The following KATNIP variants were observed in gnomAD, a reference collection of about 807,000 sequenced individuals.
KATNIP encodes katanin-interacting protein.
In KATNIP, 126 loss-of-function variants were observed where a neutral mutation model predicts 174.0. That is an observed-to-expected ratio of 0.72 (90% CI 0.63 to 0.84). KATNIP has a LOEUF of 0.84. Among genes scored for constraint, KATNIP ranks in the 40% least tolerant of loss-of-function variants. The pLI, the probability that KATNIP is intolerant of heterozygous loss-of-function variation, is 0.00. For missense variants in KATNIP, 1,958 were observed against 2,109.7 expected, an observed-to-expected ratio of 0.93 and a Z score of 1.41; for synonymous variants, 810 against 835.7, an observed-to-expected ratio of 0.97 and a Z score of 0.53.
intron 3 of KATNIP, among the ~76,000 whole-genome samples, chr16:27,619,064 G>T (rs1489538361): frequency 6.6e-6 from 1 of 152,206 alleles, no homozygotes; most frequent in African/African-American, 2.4e-5. Context: ...TCATTGCCTT[G>T]GTTCCTTTGT....
chr16:27,751,684 G>T lies in KATNIP; in HGVS notation c.3347-35G>T, dbSNP rs746840832. ...TCTACAAATCTCTGGGATGTGAAGT[G>T]AGTTGACCTTTCTGTCATCTTGATA... is the stretch of plus-strand genomic sequence containing the variant. On this transcript the variant is annotated intron_variant, in intron 16 of 27. Coordinates refer to ENST00000261588, the MANE Select transcript of KATNIP (RefSeq NM_015202.5). The T allele has an allele frequency of 2.5e-6, 4 of 1,598,780 alleles. No homozygotes were observed. The South Asian group carries it at 4.4e-5, about 18-fold the overall frequency.
At position 27,731,145 on chromosome 16, in the gene KATNIP, C is replaced by T. The variant is rs372358234; in HGVS notation, c.1744-8896C>T. ...ACCCCCCCGTCCCCCACCAAAAGAC[C>T]CCCATACAGTATGGGCTGCATTGAA... On this transcript the variant is annotated intron_variant, in intron 14 of 27. Coordinates refer to ENST00000261588, the MANE Select transcript of KATNIP (RefSeq NM_015202.5). Among the ~76,000 whole-genome samples, 504 of 152,214 alleles carry T rather than the reference C, an allele frequency of 3.3e-3. 7 individuals carry two copies. The highest frequency in any genetic ancestry group is 0.011 in the African/African-American group (475 of 41,526).
chr16:27,558,602 T>A (rs952778325), intron 1 of KATNIP, among the ~76,000 whole-genome samples: 1 of 152,226 alleles, frequency 6.6e-6, no homozygotes, highest in Non-Finnish European at 1.5e-5. Flanking sequence ...CAAAGCAGTG[T>A]GGCCCACTGC....
chr16:27,554,882 C>T (rs937960693), intron 1 of KATNIP, among the ~76,000 whole-genome samples: 2 of 149,184 alleles, frequency 1.3e-5, no homozygotes, highest in Non-Finnish European at 1.5e-5. Context: ...CAACCTCTGC[C>T]TCCCAGGTTC....
rs2082050453 is a variant in KATNIP, at chr16:27,764,174, G to T, written c.3810-2135G>T. 2.6e-5 allele frequency among the ~76,000 whole-genome samples: 4 copies of T among 152,108 alleles called. No individual in the cohort carries two copies. In the South Asian group the frequency reaches 8.3e-4, roughly 32 times the overall value. On this transcript the variant is annotated intron_variant, in intron 19 of 27. Transcript: ENST00000261588. The stretch of plus-strand genomic sequence containing the variant: ...AAGAGAGAATTTCCCTCAATTATTT[G>T]GCTACTCTGTGGTGAAATTCAGATG...
chr16:27,571,992 GTGTGTGTGTGTGTA>G (rs985225070), intron 1 of KATNIP, among the ~76,000 whole-genome samples: 2 of 152,150 alleles, frequency 1.3e-5, no homozygotes, highest in African/African-American at 2.4e-5. Context: ...CTGGGGGTGT[GTGTGTGTGTGTGTA>G]TGTGTGTGTG....
chr16:27,656,818 G>A (rs1464855666), intron 6 of KATNIP, among the ~76,000 whole-genome samples: 2 of 149,542 alleles, frequency 1.3e-5, no homozygotes, highest in Admixed American at 6.7e-5. Context: ...GGATAGCATT[G>A]GGAGATATAC....
intron 3 of KATNIP, among the ~76,000 whole-genome samples, chr16:27,626,115 C>G (rs2076326132): frequency 6.6e-6 from 1 of 152,162 alleles, no homozygotes; most frequent in African/African-American, 2.4e-5. Flanking sequence ...CCCAGCCTCC[C>G]AAAGTGCTGG....
intron 12 of KATNIP, among the ~76,000 whole-genome samples, chr16:27,705,303 G>A (rs2142996856): frequency 6.6e-6 from 1 of 152,230 alleles, no homozygotes; most frequent in African/African-American, 2.4e-5. Flanking sequence ...TTGGTATGGT[G>A]GTCACCAATC....
chr16:27,708,735 A>G lies in KATNIP; in HGVS notation c.1420A>G (p.Lys474Glu). Reference sequence around the variant, plus strand: ...ACAGAGAATGAGGGCAGACGAGATCAAAGATGCCATCTACGTGACCATGGA... The same window carrying G: ...ACAGAGAATGAGGGCAGACGAGATCGAAGATGCCATCTACGTGACCATGGA... ...DKQRMRADEI[K>E]DAIYVTMEIL... Residue 474 changes from lysine to glutamate, a missense_variant, in exon 13 of 28, where the codon AAA (lysine) becomes GAA (glutamate). Coordinates refer to ENST00000261588, the MANE Select transcript of KATNIP (RefSeq NM_015202.5). 6.2e-7 allele frequency: 1 copy of G among 1,613,990 alleles called. No individual in the cohort carries two copies. The highest frequency in any genetic ancestry group is 8.5e-7 in the Non-Finnish European group (1 of 1,179,928).
At chr16:27,712,884 C>T (rs538888476) in intron 13 of KATNIP, among the ~76,000 whole-genome samples, 27 of 152,270 alleles carry the variant, frequency 1.8e-4, no homozygotes, top group African/African-American at 6.3e-4. Context: ...TTGTTCACTG[C>T]AGCCTCGACC....
At chr16:27,581,015 C>G (rs1273847285) in intron 2 of KATNIP, among the ~76,000 whole-genome samples, 2 of 151,894 alleles carry the variant, frequency 1.3e-5, no homozygotes, top group Admixed American at 6.6e-5. Flanking sequence ...TCACTTGACC[C>G]CAGGAGTTTG....
intron 6 of KATNIP, among the ~76,000 whole-genome samples, chr16:27,670,918 G>A (rs2077874827): frequency 1.3e-5 from 2 of 152,184 alleles, no homozygotes; most frequent in Non-Finnish European, 2.9e-5. Context: ...CTGGCCGGGC[G>A]TAGTGGCTCA....
At chr16:27,590,984 G>A (rs2075143120) in intron 2 of KATNIP, among the ~76,000 whole-genome samples, 2 of 152,178 alleles carry the variant, frequency 1.3e-5, no homozygotes, top group African/African-American at 2.4e-5. Context: ...GTGGACTCGG[G>A]TAGGAGAGGC....
chr16:27,652,661 A>C (rs1046119671), intron 6 of KATNIP, among the ~76,000 whole-genome samples: 5 of 152,140 alleles, frequency 3.3e-5, no homozygotes, highest in Admixed American at 6.6e-5. Flanking sequence ...AAAAATATAA[A>C]AATTAGCCAG....
intron 18 of KATNIP, chr16:27,757,574 G>T (rs1272431878): frequency 1.0e-6 from 1 of 969,008 alleles, no homozygotes; most frequent in East Asian, 1.1e-4. Flanking sequence ...TTGGGAATTT[G>T]GCCCTGGAGT....
chr16:27,575,067 A>G (rs1414409601), intron 2 of KATNIP, among the ~76,000 whole-genome samples: 1 of 152,216 alleles, frequency 6.6e-6, no homozygotes, highest in South Asian at 2.1e-4. Context: ...ATCTCAGAGT[A>G]TGCACTGTCT....
chr16:27,595,200 C>T (rs976499286), intron 2 of KATNIP, among the ~76,000 whole-genome samples: 2 of 152,132 alleles, frequency 1.3e-5, no homozygotes, highest in Non-Finnish European at 2.9e-5. Context: ...GCCTGGGCAA[C>T]ATGGTAAAGC....
At position 27,736,731 on chromosome 16, in the gene KATNIP, G is replaced by C. The variant is rs57477016; in HGVS notation, c.1744-3310G>C. ...GTCACTGGGCAGCTTTAAGCAGGAGGCTCCCATGATCTGATTTCAGTTGTT... is the reference window on the plus strand; with the variant it reads ...GTCACTGGGCAGCTTTAAGCAGGAGCCTCCCATGATCTGATTTCAGTTGTT... On this transcript the variant is annotated intron_variant, in intron 14 of 27. Coordinates refer to ENST00000261588, the MANE Select transcript of KATNIP (RefSeq NM_015202.5). Among the ~76,000 whole-genome samples, 385 of 152,256 alleles carry C rather than the reference G, an allele frequency of 2.5e-3. 2 individuals are homozygous for C. The highest frequency in any genetic ancestry group is 8.8e-3 in the African/African-American group (366 of 41,552).
Sources: allele counts gnomAD v4.1 joint callset (sites outside exome capture counted in the v4.1 genomes callset), GRCh38; gene constraint gnomAD v4.1.1; transcripts MANE v1.5; gene names NCBI Gene and HGNC (gene_info 2026-07-23, HGNC 2026-07-21).